The following ICA1 variants were observed in gnomAD, a reference collection of about 807,000 sequenced individuals.
The protein encoded by ICA1 is 69 kDa islet cell autoantigen.
Under a neutral mutation model 71.0 loss-of-function variants are expected in ICA1, and 40 were observed. That is an observed-to-expected ratio of 0.56 (90% CI 0.44 to 0.73). The LOEUF is 0.73. Ranked by LOEUF, ICA1 falls within the 30% of genes least tolerant of loss-of-function variation. The pLI, the probability that ICA1 is intolerant of heterozygous loss-of-function variation, is 0.00. For missense variants in ICA1, 578 were observed against 576.5 expected (o/e 1.00, Z -0.03); for synonymous variants, 207 against 209.5 (o/e 0.99, Z 0.10).
At chr7:8,121,038 A>G (rs3807846) in intron 13 of ICA1, among the ~76,000 whole-genome samples, 54,084 of 152,102 alleles carry the variant, frequency 0.36, 11,128 homozygotes, top group African/African-American at 0.58. Context: ...CAAGGGGTAG[A>G]TAAAATGTCC....
intron 6 of ICA1, among the ~76,000 whole-genome samples, chr7:8,186,767 G>C (rs183728531): frequency 5.9e-4 from 90 of 152,224 alleles, no homozygotes; most frequent in Non-Finnish European, 4.3e-4. Flanking sequence ...AATTTGATGG[G>C]TTCCATTACA....
chr7:8,204,192 G>T (rs17144903), intron 6 of ICA1, among the ~76,000 whole-genome samples: 14,513 of 152,188 alleles, frequency 0.095, 723 homozygotes, highest in East Asian at 0.17. Context: ...AGGAAGCCAG[G>T]TCTCCTCTAC....
chr7:8,127,755 A>C, intron 13 of ICA1, 118 bp downstream of exon 13: 1 of 1,134,280 alleles, frequency 8.8e-7, no homozygotes, highest in Non-Finnish European at 1.3e-6. Flanking sequence ...CCAGTTAAAA[A>C]GTCAATAAAA....
At chr7:8,253,127 A>T (rs1278989256) in intron 1 of ICA1, among the ~76,000 whole-genome samples, 1 of 152,266 alleles carries the variant, frequency 6.6e-6, no homozygotes, top group Non-Finnish European at 1.5e-5. Context: ...GGCATCAAAC[A>T]AATCAAAAAA....
intron 6 of ICA1, among the ~76,000 whole-genome samples, chr7:8,180,993 A>T (rs1391629942): frequency 6.6e-6 from 1 of 152,116 alleles, no homozygotes; most frequent in Non-Finnish European, 1.5e-5. Context: ...TTCATAAAAC[A>T]TAATTTATTA....
chr7:8,240,691 C>T (rs1164311631), intron 1 of ICA1, among the ~76,000 whole-genome samples: 1 of 151,956 alleles, frequency 6.6e-6, no homozygotes, highest in Non-Finnish European at 1.5e-5. Context: ...ATGAGTAACT[C>T]AAATAAACAG....
At chr7:8,181,178 G>GTTCC (rs1782098599) in intron 6 of ICA1, among the ~76,000 whole-genome samples, 1 of 152,028 alleles carries the variant, frequency 6.6e-6, no homozygotes, top group South Asian at 2.1e-4. Flanking sequence ...TAGGGGTCGG[G>GTTCC]TTCCTGGTAT....
At chr7:8,118,257 C>G (rs6463768) in intron 13 of ICA1, among the ~76,000 whole-genome samples, 141,174 of 152,254 alleles carry the variant, frequency 0.93, 65,537 homozygotes, top group Middle Eastern at 0.96. Context: ...CCTATTTACT[C>G]AATCTAGAAC....
At chr7:8,259,702 C>T (rs1026822243) in intron 1 of ICA1, among the ~76,000 whole-genome samples, 53 of 152,096 alleles carry the variant, frequency 3.5e-4, no homozygotes, top group African/African-American at 1.2e-3. Context: ...GGTCACACGG[C>T]TAGTTAGGTG....
chr7:8,258,404 G>A (rs1229809847), intron 1 of ICA1, among the ~76,000 whole-genome samples: 2 of 152,188 alleles, frequency 1.3e-5, no homozygotes, highest in African/African-American at 2.4e-5. Context: ...CATGAGTGAT[G>A]CAGGCCATCA....
chr7:8,152,702 T>C (rs1338664758), intron 8 of ICA1, among the ~76,000 whole-genome samples: 5 of 94,606 alleles, frequency 5.3e-5, no homozygotes, highest in Admixed American at 2.2e-4. Flanking sequence ...CCCCCACCAC[T>C]ACCACCATCA....
intron 12 of ICA1, 98 bp from the exon 13 acceptor site, chr7:8,128,240 C>T: frequency 8.1e-7 from 1 of 1,227,842 alleles, no homozygotes; most frequent in East Asian, 2.3e-5. Flanking sequence ...TGGTTGATGG[C>T]TAGATTTAAG....
chr7:8,193,848 A>C (rs1159010580), intron 6 of ICA1, among the ~76,000 whole-genome samples: 4 of 152,196 alleles, frequency 2.6e-5, no homozygotes, highest in African/African-American at 9.6e-5. Flanking sequence ...TAAAGAAAAG[A>C]GGAGATGATT....
chr7:8,161,455 ACT>A (rs1036711501), intron 6 of ICA1, among the ~76,000 whole-genome samples: 1 of 152,044 alleles, frequency 6.6e-6, no homozygotes, highest in African/African-American at 2.4e-5. Flanking sequence ...TTGCCCTGTA[ACT>A]CTGTAGTGTT....
chr7:8,219,469 A>C (rs1796388204), intron 5 of ICA1, among the ~76,000 whole-genome samples: 1 of 152,262 alleles, frequency 6.6e-6, no homozygotes, highest in Admixed American at 6.5e-5. Context: ...TGCGTGTAGC[A>C]CGGTAAGATT....
At chr7:8,121,743 C>A (rs758949172) in intron 13 of ICA1, among the ~76,000 whole-genome samples, 1 of 152,062 alleles carries the variant, frequency 6.6e-6, no homozygotes, top group Non-Finnish European at 1.5e-5. Context: ...TTAAAAATAA[C>A]CCAAAGAGTA....
rs62433200 is a variant in ICA1 at position 8,229,481 on chromosome 7, T to C, written c.184-808A>G. On this transcript the variant is annotated intron_variant, in intron 3 of 13. Transcript: ENST00000402384. ...CCACTAACTTAGGGACCAGATATGG[T>C]ATCAATGAGAAAACCTGGAAGATAA... Among the ~76,000 whole-genome samples, 1,289 of 152,304 alleles carry C rather than the reference T, an allele frequency of 8.5e-3. 13 individuals carry two copies. Among genetic ancestry groups the C allele is most frequent in the Non-Finnish European group, 0.011 (764 of 68,024 alleles).
At position 8,146,788 on chromosome 7, in the gene ICA1, AAGG is replaced by A. The variant is rs1449723318; in HGVS notation, c.805-2819_805-2817del. Reference sequence around the variant, plus strand: ...GTTTAGTATATGTGCAGCCAGGAGGAAGGAGTTCAATAGATGTCAAGGATGTAC... The same window carrying A: ...GTTTAGTATATGTGCAGCCAGGAGGAAGTTCAATAGATGTCAAGGATGTAC... On this transcript the variant is annotated intron_variant, in intron 8 of 13. Coordinates refer to ENST00000402384, the MANE Select transcript of ICA1 (RefSeq NM_001136020.3). Among the ~76,000 whole-genome samples the A allele has an allele frequency of 1.1e-3, 162 of 143,762 alleles. 1 individual carries two copies. Among genetic ancestry groups the A allele is most frequent in the African/African-American group, 4.0e-3 (158 of 39,334 alleles). 94.3% of individuals were successfully genotyped at this position (143,762 alleles called of 152,430 possible). A position where few individuals can be genotyped will look rare whatever the true frequency, so the allele number is the denominator to read the frequency against.
chr7:8,170,415 C>T (rs1023756094), intron 6 of ICA1, among the ~76,000 whole-genome samples: 1 of 152,008 alleles, frequency 6.6e-6, no homozygotes, highest in Non-Finnish European at 1.5e-5. Context: ...ATTGAATCTA[C>T]AGATTTATTG....
Sources: gnomAD v4.1 joint callset for allele counts (sites outside exome capture counted in the v4.1 genomes callset) on GRCh38, gnomAD v4.1.1 for gene constraint, MANE v1.5 for transcripts, NCBI Gene and HGNC (gene_info 2026-07-23, HGNC 2026-07-21) for gene names.